Variants in CDK5RAP2 observed in about 807,000 individuals in gnomAD.
CDK5RAP2 encodes CDK5 regulatory subunit associated protein 2, also known as CDK5 regulatory subunit-associated protein 2.
In CDK5RAP2, 147 loss-of-function variants were observed where a neutral mutation model predicts 232.9. That is an observed-to-expected ratio of 0.63 (90% CI 0.55 to 0.72). The LOEUF is 0.72. Among genes scored for constraint, CDK5RAP2 ranks in the 30% least tolerant of loss-of-function variants. CDK5RAP2 has a pLI of 0.00. For missense variants in CDK5RAP2, 2,195 were observed against 2,231.5 expected (o/e 0.98, Z 0.33); for synonymous variants, 833 against 833.7 (o/e 1.00, Z 0.01).
chr9:120,478,131 A>C (rs955765669), intron 14 of CDK5RAP2, among the ~76,000 whole-genome samples: 4 of 152,236 alleles, frequency 2.6e-5, no homozygotes, highest in Non-Finnish European at 4.4e-5. Flanking sequence ...AGACTCTGGG[A>C]AGTTACTTAC....
intron 6 of CDK5RAP2, among the ~76,000 whole-genome samples, chr9:120,537,710 A>T (rs912594352): frequency 7.2e-5 from 11 of 152,278 alleles, no homozygotes; most frequent in African/African-American, 1.9e-4. Flanking sequence ...AAAAAAAGAA[A>T]GAATGAAAAA....
chr9:120,564,194 G>A lies in CDK5RAP2; in HGVS notation c.195+4127C>T, dbSNP rs531127681. 2.8e-4 allele frequency among the ~76,000 whole-genome samples: 43 copies of A among 152,238 alleles called. No homozygotes were observed. In the South Asian group the frequency reaches 3.1e-3, roughly 11 times the overall value. On this transcript the variant is annotated intron_variant, in intron 3 of 37. Coordinates refer to ENST00000349780, the MANE Select transcript of CDK5RAP2 (RefSeq NM_018249.6). ...AAAAAAAAGAAACACTCGGCGAGGC[G>A]TGGTGGCTCACGCCTGTAGTTCCAG...
intron 22 of CDK5RAP2, among the ~76,000 whole-genome samples, chr9:120,446,373 C>T (rs2036190126): frequency 6.6e-6 from 1 of 152,062 alleles, no homozygotes; most frequent in Non-Finnish European, 1.5e-5. Context: ...ATTACAGGCA[C>T]GCGCCACCAT....
intron 11 of CDK5RAP2, among the ~76,000 whole-genome samples, chr9:120,523,893 T>C (rs2040781175): frequency 6.6e-6 from 1 of 152,052 alleles, no homozygotes; most frequent in South Asian, 2.1e-4. Context: ...GGAGTCCTTG[T>C]AGTACAACAT....
chr9:120,449,428 C>T (rs373677624), intron 21 of CDK5RAP2, among the ~76,000 whole-genome samples: 3 of 152,330 alleles, frequency 2.0e-5, no homozygotes, highest in African/African-American at 7.2e-5. Context: ...TGTCTATCTT[C>T]TGCACCAACC....
intron 1 of CDK5RAP2, among the ~76,000 whole-genome samples, chr9:120,573,546 C>T (rs1022669735): frequency 7.0e-6 from 1 of 142,538 alleles, no homozygotes; most frequent in Non-Finnish European, 1.5e-5. Flanking sequence ...GAGACTCCAT[C>T]TCAAAAAAAA....
chr9:120,392,257 C>T (rs757070590), intron 36 of CDK5RAP2, among the ~76,000 whole-genome samples: 11 of 152,132 alleles, frequency 7.2e-5, no homozygotes, highest in African/African-American at 1.7e-4. Flanking sequence ...CTATTGAACC[C>T]GGGACCAACT....
intron 11 of CDK5RAP2, among the ~76,000 whole-genome samples, chr9:120,519,482 T>C (rs1298316861): frequency 6.6e-6 from 1 of 151,786 alleles, no homozygotes; most frequent in Non-Finnish European, 1.5e-5. Context: ...TTCGGGTATA[T>C]GAAGACAGAT....
intron 25 of CDK5RAP2, 135 bp downstream of exon 25, chr9:120,437,160 G>T: frequency 1.4e-6 from 1 of 716,128 alleles, no homozygotes; most frequent in Non-Finnish European, 2.6e-6. Context: ...CAGCCAGTGT[G>T]GTTCTGCTGT....
chr9:120,390,569 T>A (rs2031851484), intron 36 of CDK5RAP2, among the ~76,000 whole-genome samples: 1 of 152,228 alleles, frequency 6.6e-6, no homozygotes, highest in African/African-American at 2.4e-5. Context: ...TGGGTCTTCC[T>A]TCAGGCTTTT....
intron 12 of CDK5RAP2, among the ~76,000 whole-genome samples, chr9:120,492,572 A>G (rs1204797297): frequency 6.6e-6 from 1 of 152,216 alleles, no homozygotes; most frequent in Non-Finnish European, 1.5e-5. Flanking sequence ...AGAGCAAGCA[A>G]ACAAATGAAT....
In CDK5RAP2 at chr9:120,477,554, CG is replaced by C. The variant is rs1350794135; in HGVS notation, c.1627-105del. On this transcript the variant is annotated intron_variant, in intron 14 of 37. Transcript: ENST00000349780. ...GCTAGTCCCAGTTTTTAAAATCAAA[CG>C]AAGGTGAGAGAGGCCCTGTGCCTGG... is the stretch of plus-strand genomic sequence containing the variant. 8.6e-6 allele frequency: 8 copies of C among 927,014 alleles called. No homozygotes were observed. The Admixed American group carries it at 1.4e-4, about 17-fold the overall frequency. The allele number at this position is 927,014 out of a possible 1,614,324, so 57.4% of individuals were successfully genotyped here.
chr9:120,477,401 T>TAA lies in CDK5RAP2; in HGVS notation c.1675_1676insTT (p.Lys559IlefsTer27). The TAA allele has an allele frequency of 6.2e-7, 1 of 1,614,096 alleles. No individual in the cohort carries two copies. The highest frequency in any genetic ancestry group is 8.5e-7 in the Non-Finnish European group (1 of 1,180,012). ...CAGATGGGTATAGATGTCCTGCTCT[T>TAA]TCTTTAAGACCTGAATCAGCTCTTC... On this transcript the variant is annotated frameshift_variant, in exon 15 of 38. Transcript: ENST00000349780. LOFTEE classifies it high-confidence loss of function.
At chr9:120,461,667 A>G (rs1684309624) in intron 18 of CDK5RAP2, among the ~76,000 whole-genome samples, 1 of 152,012 alleles carries the variant, frequency 6.6e-6, no homozygotes, top group South Asian at 2.1e-4. Flanking sequence ...AGAGTGAGAC[A>G]CCTGTCTCTA....
At chr9:120,485,293 CTT>C (rs111411839) in intron 14 of CDK5RAP2, among the ~76,000 whole-genome samples, 19 of 132,338 alleles carry the variant, frequency 1.4e-4, no homozygotes, top group African/African-American at 1.7e-4. Context: ...CATTTAGATA[CTT>C]TTTTTTTTTT....
chr9:120,518,317 G>A (rs943078425), intron 12 of CDK5RAP2, 110 bp downstream of exon 12: 24 of 851,604 alleles, frequency 2.8e-5, no homozygotes, highest in Non-Finnish European at 4.1e-5. Context: ...GAGATAATAA[G>A]TGAAATATTT....
At position 120,477,332 on chromosome 9, in the gene CDK5RAP2, C is replaced by CCAGA; in HGVS notation, c.1727+14_1727+17dup. 6.4e-7 allele frequency: 1 copy of CCAGA among 1,569,012 alleles called. No individual in the cohort carries two copies. Among genetic ancestry groups the CCAGA allele is most frequent in the Non-Finnish European group, 8.8e-7 (1 of 1,140,176 alleles). Reference sequence around the variant, plus strand: ...GTGTTCGCATTCACATGTGTGATGTCCAGACAGAAACGCTTACCTGTCTGA... The same window carrying CCAGA: ...GTGTTCGCATTCACATGTGTGATGTCCAGACAGACAGAAACGCTTACCTGTCTGA... On this transcript the variant is annotated intron_variant, in intron 15 of 37. Coordinates refer to ENST00000349780, the MANE Select transcript of CDK5RAP2 (RefSeq NM_018249.6).
intron 8 of CDK5RAP2, 97 bp from the exon 9 acceptor site, chr9:120,528,894 T>C: frequency 1.2e-6 from 1 of 832,854 alleles, no homozygotes; most frequent in Non-Finnish European, 2.1e-6. Context: ...CTTACTCACC[T>C]TCCCCCACTA....
intron 15 of CDK5RAP2, among the ~76,000 whole-genome samples, chr9:120,472,967 AC>A (rs1164518828): frequency 2.6e-5 from 4 of 152,246 alleles, no homozygotes; most frequent in African/African-American, 9.6e-5. Context: ...GCTAGTGGCT[AC>A]TGAACTGGAC....
Sources: gnomAD v4.1 joint callset for allele counts (sites outside exome capture counted in the v4.1 genomes callset) on GRCh38, gnomAD v4.1.1 for gene constraint, MANE v1.5 for transcripts, NCBI Gene and HGNC (gene_info 2026-07-23, HGNC 2026-07-21) for gene names.